The following AKT3 variants were observed in gnomAD, a reference collection of about 807,000 sequenced individuals.
AKT3 encodes the protein RAC-gamma serine/threonine-protein kinase.
A neutral mutation model predicts 65.3 loss-of-function variants in AKT3; 15 were observed. That is an observed-to-expected ratio of 0.23 (90% CI 0.15 to 0.35). The LOEUF is 0.35. AKT3 is among the 10% of genes least tolerant of loss of function. AKT3 has a pLI of 1.00. For synonymous variants in AKT3, 206 were observed against 183.8 expected, an observed-to-expected ratio of 1.12 and a Z score of -0.98; for missense variants, 243 against 576.5, an observed-to-expected ratio of 0.42 and a Z score of 5.92.
At chr1:243,508,282 G>A (rs770888858) in intron 13 of AKT3, among the ~76,000 whole-genome samples, 1 of 152,206 alleles carries the variant, frequency 6.6e-6, no homozygotes, top group Non-Finnish European at 1.5e-5. Flanking sequence ...GAACCCAGAA[G>A]CTGCAGTTAA....
At chr1:243,518,093 GTT>G (rs1454332140) in intron 12 of AKT3, among the ~76,000 whole-genome samples, 1 of 152,212 alleles carries the variant, frequency 6.6e-6, no homozygotes, top group Non-Finnish European at 1.5e-5. Context: ...AAAAACCTAG[GTT>G]TCTTGATCTC....
chr1:243,782,607 G>GA (rs1256853090), intron 2 of AKT3, among the ~76,000 whole-genome samples: 11 of 152,166 alleles, frequency 7.2e-5, no homozygotes, highest in African/African-American at 2.7e-4. Context: ...GGTAGGGAAG[G>GA]ACAAACATTC....
intron 4 of AKT3, among the ~76,000 whole-genome samples, chr1:243,660,507 A>G (rs1682221830): frequency 6.6e-6 from 1 of 152,242 alleles, no homozygotes; most frequent in African/African-American, 2.4e-5. Context: ...ACAAAATTCA[A>G]CAACCCTTCA....
chr1:243,685,077 G>A (rs776412695), intron 3 of AKT3, among the ~76,000 whole-genome samples: 1 of 152,084 alleles, frequency 6.6e-6, no homozygotes, highest in African/African-American at 2.4e-5. Flanking sequence ...GATAGATTGC[G>A]AAAATTTTCT....
intron 4 of AKT3, among the ~76,000 whole-genome samples, chr1:243,652,980 A>G (rs1388085148): frequency 6.6e-6 from 1 of 152,052 alleles, no homozygotes; most frequent in Non-Finnish European, 1.5e-5. Context: ...AGACCTACAA[A>G]GAGACTTAGA....
chr1:243,551,575 A>AAT (rs771114885), intron 11 of AKT3, among the ~76,000 whole-genome samples: 313 of 150,202 alleles, frequency 2.1e-3, no homozygotes, highest in Non-Finnish European at 2.7e-3. Flanking sequence ...ATATATATAT[A>AAT]ATATATATAT....
intron 1 of AKT3, among the ~76,000 whole-genome samples, chr1:243,846,952 T>C (rs561466945): frequency 6.6e-6 from 1 of 152,336 alleles, no homozygotes; most frequent in Non-Finnish European, 1.5e-5. Context: ...GCCTGGCACA[T>C]GGCAACTGCT....
chr1:243,498,998 T>C (rs989552177), downstream of AKT3, among the ~76,000 whole-genome samples: 1 of 152,236 alleles, frequency 6.6e-6, no homozygotes, highest in African/African-American at 2.4e-5. Flanking sequence ...CAGTGCACAG[T>C]AGAAACTCCA....
intron 9 of AKT3, among the ~76,000 whole-genome samples, chr1:243,570,546 CA>C (rs1231412691): frequency 6.6e-6 from 1 of 152,090 alleles, no homozygotes; most frequent in Non-Finnish European, 1.5e-5. Context: ...TCATGAGTTC[CA>C]AAAACCCTGA....
At chr1:243,637,135 G>C (rs1680032493) in intron 6 of AKT3, among the ~76,000 whole-genome samples, 1 of 151,938 alleles carries the variant, frequency 6.6e-6, no homozygotes, top group Admixed American at 6.6e-5. Flanking sequence ...TAAAGGTATG[G>C]GGGTGGGAAG....
At chr1:243,562,138 C>A (rs1269553363) in intron 10 of AKT3, among the ~76,000 whole-genome samples, 1 of 152,090 alleles carries the variant, frequency 6.6e-6, no homozygotes, top group African/African-American at 2.4e-5. Context: ...GGAATATTAT[C>A]CAGCCATAAA....
intron 2 of AKT3, among the ~76,000 whole-genome samples, chr1:243,803,148 T>G (rs1692480170): frequency 6.6e-6 from 1 of 152,116 alleles, no homozygotes; most frequent in Non-Finnish European, 1.5e-5. Context: ...TCAATAATTT[T>G]TTTTAAAAAA....
chr1:243,488,341 CCACACATCT>C (rs1338883324), exon 14 of AKT3: 1 of 153,374 alleles, frequency 6.5e-6, no homozygotes, highest in Non-Finnish European at 1.5e-5. Context: ...GTGAGGCAGG[CCACACATCT>C]CGCTTCTTTC....
intron 13 of AKT3, among the ~76,000 whole-genome samples, chr1:243,494,529 C>T (rs181965182): frequency 1.3e-5 from 2 of 152,332 alleles, no homozygotes; most frequent in Non-Finnish European, 2.9e-5. Flanking sequence ...TCCCCAAACA[C>T]CTCCAACAGC....
At chr1:243,801,892 TGAA>T (rs1464981853) in intron 2 of AKT3, among the ~76,000 whole-genome samples, 3 of 152,206 alleles carry the variant, frequency 2.0e-5, no homozygotes, top group Non-Finnish European at 4.4e-5. Context: ...ATCCAAAAAC[TGAA>T]GAAGGCCAAC....
At chr1:243,556,681 T>G (rs1318243522) in intron 10 of AKT3, among the ~76,000 whole-genome samples, 1 of 152,144 alleles carries the variant, frequency 6.6e-6, no homozygotes, top group African/African-American at 2.4e-5. Flanking sequence ...AAAAAAAAGT[T>G]TTTTCTGGTA....
chr1:243,736,324 A>G (rs77735862), intron 2 of AKT3, among the ~76,000 whole-genome samples: 4,884 of 152,272 alleles, frequency 0.032, 99 homozygotes, highest in Middle Eastern at 0.088. Context: ...AATGTTAGAA[A>G]TTACAATTAC....
At chr1:243,696,629 T>C (rs1685081611) in intron 2 of AKT3, among the ~76,000 whole-genome samples, 1 of 151,944 alleles carries the variant, frequency 6.6e-6, no homozygotes, top group Non-Finnish European at 1.5e-5. Context: ...TGCAAACAGT[T>C]CAATTTTCCC....
chr1:243,641,273 TACACACAC>T (rs974876841), intron 5 of AKT3, among the ~76,000 whole-genome samples: 4 of 144,684 alleles, frequency 2.8e-5, no homozygotes, highest in African/African-American at 1.1e-4. Context: ...TATATATATA[TACACACAC>T]ACACACACGC....
Sources: allele counts gnomAD v4.1 joint callset (sites outside exome capture counted in the v4.1 genomes callset), GRCh38; gene constraint gnomAD v4.1.1; transcripts MANE v1.5; gene names NCBI Gene and HGNC (gene_info 2026-07-23, HGNC 2026-07-21).